The following WLS variants were observed in gnomAD, a reference collection of about 807,000 sequenced individuals.
WLS encodes protein wntless homolog.
Under a neutral mutation model 62.8 loss-of-function variants are expected in WLS, and 23 were observed. The observed-to-expected ratio is 0.37, with a 90% CI of 0.26 to 0.52. WLS has a LOEUF of 0.52. Among genes scored for constraint, WLS ranks in the 20% least tolerant of loss-of-function variants. The pLI is 0.92. For synonymous variants in WLS, 246 were observed against 244.1 expected (o/e 1.01, Z -0.07); for missense variants, 615 against 697.3 (o/e 0.88, Z 1.33).
At chr1:68,152,229 G>C (rs1646836170) in intron 5 of WLS, among the ~76,000 whole-genome samples, 1 of 152,210 alleles carries the variant, frequency 6.6e-6, no homozygotes, top group Non-Finnish European at 1.5e-5. Context: ...ATTAAGTAAA[G>C]AGCTGGAATA....
rs770764647 is a variant in WLS, at chr1:68,150,274, T to G, written c.886A>C (p.Met296Leu). Reference sequence around the variant, plus strand: ...TGTCGGATGTCACCAAACAGCAGCATCCAGGTCCAGTCAAACCCGATGGAA... The same window carrying G: ...TGTCGGATGTCACCAAACAGCAGCAGCCAGGTCCAGTCAAACCCGATGGAA... ...WFSIGFDWTW[M>L]LLFGDIRQGI... Residue 296 changes from methionine to leucine, a missense_variant, in exon 6 of 12, where the codon ATG becomes CTG. Met to Leu is a conservative substitution (Grantham distance 15). Coordinates refer to ENST00000262348, the MANE Select transcript of WLS (RefSeq NM_024911.7). 5 of 1,614,166 alleles carry G rather than the reference T, an allele frequency of 3.1e-6. No individual in the cohort carries two copies. The South Asian group carries it at 5.5e-5, about 18-fold the overall frequency.
chr1:68,126,948 C>A, intron 11 of WLS: 1 of 241,692 alleles, frequency 4.1e-6, no homozygotes, highest in South Asian at 3.8e-5. Flanking sequence ...CTCAGCTACT[C>A]GAGAAGCAGG....
chr1:68,179,369 A>C (rs75067171), intron 2 of WLS, among the ~76,000 whole-genome samples: 11,929 of 152,166 alleles, frequency 0.078, 850 homozygotes, highest in East Asian at 0.34. Flanking sequence ...TAGCCCTGTC[A>C]ATAGACTCAT....
Position 68,155,313 on chromosome 1 carries a change from C to T in WLS, c.505-53G>A. On this transcript the variant is annotated intron_variant, in intron 3 of 11. Transcript: ENST00000262348. Reference sequence around the variant, plus strand: ...AGGGTCACTATTTCCAATAGACTGGCTCTGAATTCTGTTACCCTGGATCCA... The same window carrying T: ...AGGGTCACTATTTCCAATAGACTGGTTCTGAATTCTGTTACCCTGGATCCA... 3.2e-6 allele frequency: 5 copies of T among 1,561,524 alleles called. No homozygotes were observed. The South Asian group carries it at 6.1e-5, about 19-fold the overall frequency.
chr1:68,162,299 C>G, intron 2 of WLS: 1 of 1,611,286 alleles, frequency 6.2e-7, no homozygotes. Context: ...ACAAGGAATG[C>G]TCCCTGCCTC....
intron 11 of WLS, among the ~76,000 whole-genome samples, chr1:68,106,746 GTGTGTA>G (rs1264742948): frequency 0.013 from 1,956 of 145,890 alleles, 45 homozygotes; most frequent in African/African-American, 0.052. Context: ...GTGTGTGTGT[GTGTGTA>G]TGTGTGGGTA....
At chr1:68,100,002 G>T (rs1432074750) in intron 11 of WLS, among the ~76,000 whole-genome samples, 1 of 152,216 alleles carries the variant, frequency 6.6e-6, no homozygotes, top group African/African-American at 2.4e-5. Context: ...GTAGTTACTT[G>T]TAAGCACTAT....
At chr1:68,226,376 G>A (rs901410440) in intron 1 of WLS, among the ~76,000 whole-genome samples, 1 of 151,862 alleles carries the variant, frequency 6.6e-6, no homozygotes, top group African/African-American at 2.4e-5. Flanking sequence ...CATGTAAAAG[G>A]GGTACAAAAA....
chr1:68,131,758 AGGGC>A (rs1646528821), intron 11 of WLS, among the ~76,000 whole-genome samples: 3 of 152,216 alleles, frequency 2.0e-5, no homozygotes, highest in Non-Finnish European at 4.4e-5. Flanking sequence ...GTTTAGAGAT[AGGGC>A]CTTCTTAAAG....
intron 1 of WLS, among the ~76,000 whole-genome samples, chr1:68,199,079 C>T (rs1354928928): frequency 6.6e-6 from 1 of 150,882 alleles, no homozygotes; most frequent in Non-Finnish European, 1.5e-5. Context: ...AGAGACAAGA[C>T]TTGGTTGCCT....
intron 2 of WLS, chr1:68,183,610 T>TCTAC (rs1217988137): frequency 1.6e-5 from 8 of 503,354 alleles, no homozygotes; most frequent in Non-Finnish European, 3.2e-5. Context: ...CCATTGTAGA[T>TCTAC]AATGTGAGGG....
intron 2 of WLS, among the ~76,000 whole-genome samples, chr1:68,188,585 A>C (rs763695530): frequency 2.6e-5 from 4 of 152,176 alleles, no homozygotes; most frequent in Non-Finnish European, 5.9e-5. Context: ...TGAGGACGGG[A>C]GATAATATAG....
At chr1:68,187,027 C>T (rs959834945) in intron 2 of WLS, among the ~76,000 whole-genome samples, 3 of 151,274 alleles carry the variant, frequency 2.0e-5, no homozygotes, top group African/African-American at 7.3e-5. Context: ...CTGGCTAACA[C>T]GGTGAAACCT....
intron 11 of WLS, among the ~76,000 whole-genome samples, chr1:68,112,499 C>A (rs1233644088): frequency 6.6e-6 from 1 of 152,276 alleles, no homozygotes; most frequent in East Asian, 1.9e-4. Context: ...TTTCTACTCA[C>A]TGCACCCCAG....
intron 11 of WLS, among the ~76,000 whole-genome samples, chr1:68,099,556 A>C (rs1239138717): frequency 1.3e-5 from 2 of 152,214 alleles, no homozygotes. Flanking sequence ...CAAGTCCCTT[A>C]TGTAAAATGG....
chr1:68,193,404 A>AAAAC (rs1648458496), intron 2 of WLS, among the ~76,000 whole-genome samples: 1 of 41,490 alleles, frequency 2.4e-5, no homozygotes, highest in African/African-American at 1.1e-4. Context: ...AAGCTAAAAA[A>AAAAC]AAAAAAAAAA....
chr1:68,217,076 C>G (rs1267448400), intron 1 of WLS, among the ~76,000 whole-genome samples: 2 of 152,120 alleles, frequency 1.3e-5, no homozygotes, highest in East Asian at 3.9e-4. Flanking sequence ...CTTTTTAAAT[C>G]CCCACCCCAA....
intron 11 of WLS, among the ~76,000 whole-genome samples, chr1:68,134,986 A>G (rs528029682): frequency 9.2e-5 from 14 of 152,332 alleles, no homozygotes; most frequent in African/African-American, 3.4e-4. Context: ...CACTTGCTGA[A>G]CAGTGTTAAA....
intron 11 of WLS, among the ~76,000 whole-genome samples, chr1:68,101,299 A>G (rs1053466923): frequency 6.0e-5 from 9 of 150,922 alleles, no homozygotes; most frequent in South Asian, 2.1e-4. Flanking sequence ...AATGTTCATC[A>G]TATTTGCTAT....
Sources: allele counts gnomAD v4.1 joint callset (sites outside exome capture counted in the v4.1 genomes callset), GRCh38; gene constraint gnomAD v4.1.1; transcripts MANE v1.5; gene names NCBI Gene and HGNC (gene_info 2026-07-23, HGNC 2026-07-21).